The following F13A1 variants were observed in gnomAD, a reference collection of about 807,000 sequenced individuals.
F13A1 encodes the protein FSF, A subunit.
In F13A1, 47 loss-of-function variants were observed where a neutral mutation model predicts 80.1. The ratio of observed to expected loss-of-function variants is 0.59; its 90% confidence interval spans 0.46 to 0.75. The LOEUF (loss-of-function observed/expected upper bound fraction) is 0.75. F13A1 is among the 30% of genes least tolerant of loss of function. The pLI, the probability that F13A1 is intolerant of heterozygous loss-of-function variation, is 0.00. For missense variants in F13A1, 817 were observed against 930.4 expected (o/e 0.88, Z 1.59); for synonymous variants, 349 against 344.9 (o/e 1.01, Z -0.13).
chr6:6,223,090 C>T (rs144387775), intron 7 of F13A1, among the ~76,000 whole-genome samples: 6 of 152,318 alleles, frequency 3.9e-5, no homozygotes, highest in East Asian at 3.9e-4. Context: ...ATCCCAGACA[C>T]GACTTGGTCA....
chr6:6,220,567 CTGTGTG>C (rs4053227), intron 8 of F13A1, among the ~76,000 whole-genome samples: 5 of 149,668 alleles, frequency 3.3e-5, no homozygotes, highest in African/African-American at 1.2e-4. Flanking sequence ...GTGTGTCTGT[CTGTGTG>C]TGTGTGTGTG....
chr6:6,195,695 C>T lies in F13A1; in HGVS notation c.1305+102G>A. 4 of 1,007,202 alleles carry T rather than the reference C, an allele frequency of 4.0e-6. No homozygotes were observed. In the South Asian group the frequency reaches 5.5e-5, roughly 14 times the overall value. The allele number at this position is 1,007,202 out of a possible 1,614,324, so 62.4% of individuals were successfully genotyped here. ...TACCTTTGTCAACACGAAGCATACG[C>T]TATGTACCTGGAAAACTTAGAAACA... is the stretch of plus-strand genomic sequence containing the variant. On this transcript the variant is annotated intron_variant, in intron 10 of 14. Transcript: ENST00000264870.
At chr6:6,276,986 G>A (rs1027179100) in intron 3 of F13A1, among the ~76,000 whole-genome samples, 2 of 152,086 alleles carry the variant, frequency 1.3e-5, no homozygotes, top group Non-Finnish European at 2.9e-5. Flanking sequence ...GGACCCCAGA[G>A]AAACCTTAAA....
intron 2 of F13A1, among the ~76,000 whole-genome samples, chr6:6,311,952 T>C (rs113093338): frequency 0.045 from 6,587 of 147,646 alleles, 198 homozygotes; most frequent in South Asian, 0.089. Context: ...ATATTATTTA[T>C]GTATATATTG....
At chr6:6,267,034 A>T (rs988199024) in intron 3 of F13A1, among the ~76,000 whole-genome samples, 23 of 152,220 alleles carry the variant, frequency 1.5e-4, no homozygotes, top group Admixed American at 1.3e-4. Flanking sequence ...AAGCATGTAG[A>T]GGATTCCACA....
intron 4 of F13A1, among the ~76,000 whole-genome samples, chr6:6,263,360 A>G (rs1161483404): frequency 6.6e-6 from 1 of 152,052 alleles, no homozygotes; most frequent in Non-Finnish European, 1.5e-5. Flanking sequence ...TTCCTCCCCT[A>G]TCCTATTCAA....
At chr6:6,161,745 C>G (rs1391951993) in intron 13 of F13A1, among the ~76,000 whole-genome samples, 1 of 152,158 alleles carries the variant, frequency 6.6e-6, no homozygotes, top group Non-Finnish European at 1.5e-5. Context: ...CACACTCTGA[C>G]TCACACATGG....
chr6:6,252,663 T>C (rs1418921580), intron 4 of F13A1, among the ~76,000 whole-genome samples: 1 of 152,206 alleles, frequency 6.6e-6, no homozygotes, highest in Non-Finnish European at 1.5e-5. Context: ...AAAAATTAAC[T>C]TTGTCAAAAG....
intron 10 of F13A1, among the ~76,000 whole-genome samples, chr6:6,186,349 G>A (rs1266008816): frequency 1.3e-5 from 2 of 152,142 alleles, no homozygotes; most frequent in East Asian, 3.8e-4. Context: ...GGTTTTTATG[G>A]TATAAGGTCT....
chr6:6,301,010 T>C (rs1257650341), intron 3 of F13A1, among the ~76,000 whole-genome samples: 3 of 152,210 alleles, frequency 2.0e-5, no homozygotes, highest in Non-Finnish European at 4.4e-5. Context: ...TTTTACCTTC[T>C]GAGTTTCTGG....
intron 4 of F13A1, among the ~76,000 whole-genome samples, chr6:6,255,639 C>T (rs998229689): frequency 1.3e-5 from 2 of 151,936 alleles, no homozygotes; most frequent in African/African-American, 4.8e-5. Flanking sequence ...TTGGGCTTTG[C>T]GTTAGTATTG....
intron 3 of F13A1, among the ~76,000 whole-genome samples, chr6:6,276,706 A>G (rs761579216): frequency 2.0e-5 from 3 of 152,196 alleles, no homozygotes; most frequent in Non-Finnish European, 2.9e-5. Context: ...GAACCCTCTC[A>G]GTGCATTTTC....
At chr6:6,179,722 G>A (rs1042469582) in intron 11 of F13A1, among the ~76,000 whole-genome samples, 3 of 152,198 alleles carry the variant, frequency 2.0e-5, no homozygotes, top group African/African-American at 7.2e-5. Context: ...AGCAGGATGA[G>A]TCGTCGCTTA....
At chr6:6,286,243 G>GGGTGT (rs1561679423) in intron 3 of F13A1, among the ~76,000 whole-genome samples, 1 of 152,126 alleles carries the variant, frequency 6.6e-6, no homozygotes, top group Admixed American at 6.6e-5. Context: ...AAAATTAGCC[G>GGGTGT]TGTGTTGTGG....
chr6:6,176,553 G>A (rs1440456788), intron 11 of F13A1, among the ~76,000 whole-genome samples: 1 of 152,192 alleles, frequency 6.6e-6, no homozygotes, highest in Admixed American at 6.5e-5. Flanking sequence ...GTGTGTGTGT[G>A]TATTAACGAT....
At chr6:6,164,907 C>T (rs1185092767) in intron 13 of F13A1, among the ~76,000 whole-genome samples, 1 of 151,932 alleles carries the variant, frequency 6.6e-6, no homozygotes, top group Non-Finnish European at 1.5e-5. Flanking sequence ...CTAGGCAGGT[C>T]CCCAGTCCAC....
At chr6:6,228,373 C>T (rs1333940795) in intron 6 of F13A1, among the ~76,000 whole-genome samples, 1 of 152,136 alleles carries the variant, frequency 6.6e-6, no homozygotes, top group Non-Finnish European at 1.5e-5. Flanking sequence ...TAACCTTAAC[C>T]ATCTTACCAG....
chr6:6,274,489 GA>G (rs1757961726), intron 3 of F13A1, among the ~76,000 whole-genome samples: 1 of 152,202 alleles, frequency 6.6e-6, no homozygotes, highest in Non-Finnish European at 1.5e-5. Flanking sequence ...ACCAAGGCAG[GA>G]ATGTGAACAT....
At chr6:6,169,859 G>T (rs1760741686) in intron 12 of F13A1, among the ~76,000 whole-genome samples, 1 of 152,226 alleles carries the variant, frequency 6.6e-6, no homozygotes, top group Non-Finnish European at 1.5e-5. Flanking sequence ...AAGCGCTAAA[G>T]AGCTAGCTTT....
Sources: gnomAD v4.1 joint callset for allele counts (sites outside exome capture counted in the v4.1 genomes callset) on GRCh38, gnomAD v4.1.1 for gene constraint, MANE v1.5 for transcripts, NCBI Gene and HGNC (gene_info 2026-07-23, HGNC 2026-07-21) for gene names.